VPS13B: variants seen among roughly 807,000 people sequenced by gnomAD.
VPS13B encodes vacuolar protein sorting 13 homolog B.
A neutral mutation model predicts 426.4 loss-of-function variants in VPS13B; 285 were observed. The ratio of observed to expected loss-of-function variants is 0.67; its 90% CI spans 0.61 to 0.74. The LOEUF (loss-of-function observed/expected upper bound fraction) is 0.74, where lower values mean the gene tolerates loss of function less well. Among genes scored for constraint, VPS13B ranks in the 30% least tolerant of loss-of-function variants. VPS13B has a pLI of 0.00. For synonymous variants in VPS13B, 1,676 were observed against 1,676.4 expected (o/e 1.00, Z 0.01); for missense variants, 4,537 against 4,782.6 (o/e 0.95, Z 1.51).
chr8:99,588,180 T>A (rs556537906), intron 33 of VPS13B, among the ~76,000 whole-genome samples: 1 of 151,750 alleles, frequency 6.6e-6, no homozygotes, highest in Admixed American at 6.6e-5. Context: ...CATTGGACTA[T>A]CTGTTTTGGT....
At chr8:99,718,933 A>G (rs753250593) in intron 37 of VPS13B, among the ~76,000 whole-genome samples, 3 of 152,132 alleles carry the variant, frequency 2.0e-5, no homozygotes, top group Non-Finnish European at 2.9e-5. Flanking sequence ...GGCATGAGCC[A>G]TACATAGCAC....
At chr8:99,861,023 A>ATTC (rs1232884722) in intron 57 of VPS13B, among the ~76,000 whole-genome samples, 1 of 152,246 alleles carries the variant, frequency 6.6e-6, no homozygotes, top group Non-Finnish European at 1.5e-5. Context: ...AATAAAATTT[A>ATTC]TTCCTAAAGC....
intron 36 of VPS13B, among the ~76,000 whole-genome samples, chr8:99,702,209 ACATTGTTCTAC>A (rs1023581327): frequency 3.9e-5 from 6 of 152,182 alleles, no homozygotes; most frequent in Admixed American, 3.9e-4. Flanking sequence ...TTTTCAAGTA[ACATTGTTCTAC>A]ATTCAACTGA....
intron 32 of VPS13B, 106 bp downstream of exon 32, chr8:99,575,890 A>G (rs1825752049): frequency 4.7e-6 from 5 of 1,074,038 alleles, no homozygotes; most frequent in South Asian, 4.1e-5. Flanking sequence ...AAATTAGCTC[A>G]TTAATAATAA....
chr8:99,528,314 C>T (rs1056928476), intron 30 of VPS13B, among the ~76,000 whole-genome samples: 1 of 151,776 alleles, frequency 6.6e-6, no homozygotes, highest in African/African-American at 2.4e-5. Flanking sequence ...ACATTTATGC[C>T]CTTCCTTTGC....
chr8:99,079,251 G>C (rs1845308367), intron 3 of VPS13B, among the ~76,000 whole-genome samples: 1 of 152,120 alleles, frequency 6.6e-6, no homozygotes, highest in African/African-American at 2.4e-5. Context: ...TGCAAGTGGT[G>C]GTGGCAGGTG....
At chr8:99,691,343 A>G (rs1007542227) in intron 35 of VPS13B, among the ~76,000 whole-genome samples, 9 of 151,976 alleles carry the variant, frequency 5.9e-5, no homozygotes, top group South Asian at 2.1e-4. Context: ...AAAACAATAA[A>G]TTGTATGCTA....
intron 39 of VPS13B, among the ~76,000 whole-genome samples, chr8:99,757,242 T>C (rs1387355062): frequency 6.6e-6 from 1 of 151,870 alleles, no homozygotes; most frequent in Non-Finnish European, 1.5e-5. Flanking sequence ...AATAACTAAG[T>C]CTAGAATGGA....
chr8:99,461,490 C>A (rs1465676985), intron 23 of VPS13B, among the ~76,000 whole-genome samples: 1 of 152,172 alleles, frequency 6.6e-6, no homozygotes, highest in African/African-American at 2.4e-5. Context: ...ATCTTGCAAG[C>A]TTTTCTAACT....
chr8:99,147,976 T>C lies in VPS13B; in HGVS notation c.1979T>C (p.Leu660Pro), dbSNP rs1306857610. The C allele has an allele frequency of 1.2e-6, 2 of 1,613,752 alleles. No homozygotes were observed. The highest frequency in any genetic ancestry group is 1.7e-6 in the Non-Finnish European group (2 of 1,179,798). The change falls in exon 14 of 62, where the codon CTG becomes CCG. Residue 660 changes from leucine to proline, a missense_variant. Coordinates refer to ENST00000357162, the MANE Select transcript of VPS13B (RefSeq NM_152564.5). ...CTISMAEFNL[L>P]DHLLPVIMGE... ...ATTTCCATGGCTGAATTCAACTTGCTGGACCATTTACTACCTGTCATTATG... is the reference window on the plus strand; with the variant it reads ...ATTTCCATGGCTGAATTCAACTTGCCGGACCATTTACTACCTGTCATTATG...
At chr8:99,626,002 C>T (rs1417186598) in intron 33 of VPS13B, among the ~76,000 whole-genome samples, 1 of 152,182 alleles carries the variant, frequency 6.6e-6, no homozygotes, top group African/African-American at 2.4e-5. Context: ...GAGGAAACCA[C>T]ATACCGTATG....
rs764653250 is a variant in VPS13B, at chr8:99,511,164, A to T, written c.4285A>T (p.Thr1429Ser). 49 of 1,613,848 alleles carry T rather than the reference A, an allele frequency of 3.0e-5. No individual in the cohort carries two copies. The highest frequency in any genetic ancestry group is 3.7e-5 in the Non-Finnish European group (44 of 1,180,012). The change falls in exon 29 of 62, where the codon ACA becomes TCA. Residue 1429 changes from threonine (T) to serine (S), a missense_variant. Physicochemically the swap from Thr to Ser is moderately conservative, Grantham distance 58. Transcript: ENST00000357162. ...QQHGFLSLTY[T>S]KAVTKNVRHK... is the part of the protein sequence containing the mutation. ...GCATGGATTCCTCTCTCTGACATAC[A>T]CAAAAGCTGTAACAAAAAATGTCCG...
intron 23 of VPS13B, among the ~76,000 whole-genome samples, chr8:99,459,209 C>A (rs527505711): frequency 6.6e-6 from 1 of 152,260 alleles, no homozygotes; most frequent in African/African-American, 2.4e-5. Context: ...TTGGCTGCAG[C>A]ATTCTATTAA....
Position 99,776,911 on chromosome 8 carries a change from C to T in VPS13B, c.7384C>T (p.His2462Tyr), listed in dbSNP as rs1356334998. Residue 2462 changes from histidine to tyrosine, a missense_variant, in exon 41 of 62, where the codon CAC (histidine) becomes TAC (tyrosine). His to Tyr is a moderately conservative substitution (Grantham distance 83). Coordinates refer to ENST00000357162, the MANE Select transcript of VPS13B (RefSeq NM_152564.5). Reference protein sequence around the residue: ...PSLCVSFQFAHLEFHLCHHLD... With the variant: ...PSLCVSFQFAYLEFHLCHHLD... ...CCTTTGCGTTTCTTTCCAGTTTGCT[C>T]ACCTGGAATTCCATCTTTGTCATCA... 3 of 1,614,036 alleles carry T rather than the reference C, an allele frequency of 1.9e-6. No homozygotes were observed. Among genetic ancestry groups the T allele is most frequent in the Middle Eastern group, 3.3e-4 (2 of 6,060 alleles).
intron 19 of VPS13B, among the ~76,000 whole-genome samples, chr8:99,356,078 T>C (rs1044072789): frequency 6.6e-6 from 1 of 152,174 alleles, no homozygotes; most frequent in African/African-American, 2.4e-5. Context: ...GCTTATATTA[T>C]AATTTTTATT....
At position 99,136,703 on chromosome 8, in the gene VPS13B, G is replaced by A. The variant is rs1266552493; in HGVS notation, c.1602G>A (p.Gly534=). The A allele has an allele frequency of 3.7e-6, 6 of 1,613,608 alleles. No individual in the cohort carries two copies. The East Asian group carries it at 1.3e-4, about 36-fold the overall frequency. ...AGATAGCTGGAATGCAACGGTTTGG[G>A]GCTTTTTATATGGATTACCTGTATA... ...YTEIAGMQRF[G]AFYMDYLYTM... The change falls in exon 12 of 62, where the codon GGG becomes GGA. Residue 534 remains glycine (G), a synonymous_variant. Transcript: ENST00000357162.
chr8:99,455,725 T>C (rs559376223), intron 23 of VPS13B, among the ~76,000 whole-genome samples: 3 of 152,316 alleles, frequency 2.0e-5, no homozygotes, highest in East Asian at 3.9e-4. Flanking sequence ...TCATACAATA[T>C]ATAGTCTTTT....
At chr8:99,421,583 T>C (rs1163057748) in intron 21 of VPS13B, among the ~76,000 whole-genome samples, 1 of 152,162 alleles carries the variant, frequency 6.6e-6, no homozygotes, top group Non-Finnish European at 1.5e-5. Context: ...TTGGGATAAG[T>C]TACTTAACCT....
At chr8:99,470,225 G>A (rs1819334210) in intron 24 of VPS13B, among the ~76,000 whole-genome samples, 1 of 152,126 alleles carries the variant, frequency 6.6e-6, no homozygotes, top group Non-Finnish European at 1.5e-5. Context: ...TAGCATGGCA[G>A]TATAAGCTCC....
Sources: gnomAD v4.1 joint callset for allele counts (sites outside exome capture counted in the v4.1 genomes callset) on GRCh38, gnomAD v4.1.1 for gene constraint, MANE v1.5 for transcripts, NCBI Gene and HGNC (gene_info 2026-07-23, HGNC 2026-07-21) for gene names.